Variants in ARHGAP31 observed in about 807,000 individuals in gnomAD.
ARHGAP31 encodes the protein rho GTPase-activating protein 31.
ARHGAP31 carries 34 observed loss-of-function variants against 113.9 expected under a neutral mutation model. That is an observed-to-expected ratio of 0.30 (90% CI 0.23 to 0.40). The LOEUF (loss-of-function observed/expected upper bound fraction) is 0.40, where lower values mean the gene tolerates loss of function less well. ARHGAP31 is among the 10% of genes least tolerant of loss of function. The probability of loss-of-function intolerance (pLI) is 1.00; values close to 1 mark genes in which losing one functional copy is unlikely to be tolerated. For missense variants in ARHGAP31, 1,548 were observed against 1,767.1 expected (o/e 0.88, Z 2.22); for synonymous variants, 650 against 684.8 (o/e 0.95, Z 0.79).
intron 1 of ARHGAP31, among the ~76,000 whole-genome samples, chr3:119,300,842 A>AGAAAGAAAG (rs1553757923): frequency 1.4e-5 from 2 of 139,040 alleles, no homozygotes; most frequent in Non-Finnish European, 3.0e-5. Flanking sequence ...AAAAAAAAAA[A>AGAAAGAAAG]AAAGAAAGAA....
At chr3:119,373,872 C>T (rs1425415639) in intron 3 of ARHGAP31, among the ~76,000 whole-genome samples, 1 of 152,182 alleles carries the variant, frequency 6.6e-6, no homozygotes, top group African/African-American at 2.4e-5. Context: ...ATTCTTTAAT[C>T]CAGTAACTCT....
At chr3:119,349,050 C>G (rs1415346394) in intron 1 of ARHGAP31, among the ~76,000 whole-genome samples, 1 of 152,172 alleles carries the variant, frequency 6.6e-6, no homozygotes, top group Non-Finnish European at 1.5e-5. Flanking sequence ...ATCATCACCC[C>G]TTGCTGTTTT....
rs1007661799 is a variant in ARHGAP31, at chr3:119,415,127, G to C, written c.3198G>C (p.Glu1066Asp). 1 of 1,614,206 alleles carries C rather than the reference G, an allele frequency of 6.2e-7. No homozygotes were observed. The highest frequency in any genetic ancestry group is 1.7e-5 in the Admixed American group (1 of 60,026). ...GGCAAGGTGGTGTTCCTGGGCCAGA[G>C]AGCAGCAAGGAGAGTTCACCCAGCG... ...QIRQGGVPGP[E>D]SSKESSPSVQ... The change falls in exon 12 of 12, where the codon GAG becomes GAC. Residue 1066 changes from glutamate to aspartate, a missense_variant. By Grantham distance (45) the Glu-to-Asp change is conservative. Coordinates refer to ENST00000264245, the MANE Select transcript of ARHGAP31 (RefSeq NM_020754.4).
At chr3:119,359,869 C>T (rs1202308504) in intron 1 of ARHGAP31, among the ~76,000 whole-genome samples, 1 of 152,084 alleles carries the variant, frequency 6.6e-6, no homozygotes, top group African/African-American at 2.4e-5. Context: ...TTAAAAATCC[C>T]CCCTCTCTCC....
intron 1 of ARHGAP31, among the ~76,000 whole-genome samples, chr3:119,302,198 G>A (rs1304955622): frequency 6.6e-6 from 1 of 152,172 alleles, no homozygotes; most frequent in East Asian, 1.9e-4. Context: ...CAAGGGGCTG[G>A]CCTCAAGTAC....
intron 3 of ARHGAP31, 60 bp from the exon 4 acceptor site, chr3:119,380,844 T>C: frequency 2.8e-6 from 4 of 1,423,106 alleles, no homozygotes; most frequent in Non-Finnish European, 4.0e-6. Flanking sequence ...TCCCAGCACA[T>C]GCAGATGGCT....
At chr3:119,384,714 T>G (rs1454919262) in intron 6 of ARHGAP31, among the ~76,000 whole-genome samples, 3 of 152,132 alleles carry the variant, frequency 2.0e-5, no homozygotes, top group Non-Finnish European at 4.4e-5. Context: ...AGGTCGCACC[T>G]CACAACAGTG....
chr3:119,329,492 A>G (rs1044313861), intron 1 of ARHGAP31, among the ~76,000 whole-genome samples: 1 of 152,228 alleles, frequency 6.6e-6, no homozygotes, highest in Non-Finnish European at 1.5e-5. Flanking sequence ...CAATGGATCT[A>G]TACCTGGCTG....
Position 119,391,058 on chromosome 3 carries a change from C to G in ARHGAP31, c.881+75C>G. 2.6e-6 allele frequency: 4 copies of G among 1,524,350 alleles called. No homozygotes were observed. The South Asian group carries it at 3.4e-5, about 13-fold the overall frequency. 94.4% of individuals were successfully genotyped at this position (1,524,350 alleles called of 1,614,324 possible). A position where few individuals can be genotyped will look rare whatever the true frequency, so the allele number is the denominator to read the frequency against. ...AAAGAGGAGGAGAGGTATACAGTCT[C>G]AGGACCAAGATGGCAGTGTGGGTTG... On this transcript the variant is annotated intron_variant, in intron 7 of 11. Coordinates refer to ENST00000264245, the MANE Select transcript of ARHGAP31 (RefSeq NM_020754.4).
chr3:119,335,827 G>A (rs2079940761), intron 1 of ARHGAP31, among the ~76,000 whole-genome samples: 1 of 152,184 alleles, frequency 6.6e-6, no homozygotes, highest in Non-Finnish European at 1.5e-5. Flanking sequence ...CTGCAAATGG[G>A]CATCAACAGC....
At chr3:119,373,019 C>T (rs938465013) in intron 3 of ARHGAP31, among the ~76,000 whole-genome samples, 1 of 152,158 alleles carries the variant, frequency 6.6e-6, no homozygotes, top group Admixed American at 6.5e-5. Context: ...ATGAGGAAAT[C>T]AAGTTTCATC....
intron 1 of ARHGAP31, among the ~76,000 whole-genome samples, chr3:119,359,431 G>A (rs1193328323): frequency 6.6e-6 from 1 of 151,492 alleles, no homozygotes. Context: ...TAGAAAATTA[G>A]AAAGTGGTTC....
intron 4 of ARHGAP31, among the ~76,000 whole-genome samples, chr3:119,381,843 G>A (rs1407047152): frequency 3.3e-5 from 5 of 152,278 alleles, no homozygotes; most frequent in Middle Eastern, 3.4e-3. Context: ...AAAATTAGCC[G>A]GGCGTGGTGG....
rs568370935 is a variant in ARHGAP31 at position 119,382,956 on chromosome 3, A to C, written c.540-128A>C. On this transcript the variant is annotated intron_variant, in intron 5 of 11. Coordinates refer to ENST00000264245, the MANE Select transcript of ARHGAP31 (RefSeq NM_020754.4). ...AGAGTTCCTTTAATTGGCCCTAAAT[A>C]ATTAAAATATTCTATGAACTGTATC... 2.4e-6 allele frequency: 3 copies of C among 1,263,940 alleles called. No homozygotes were observed. In the Admixed American group the frequency reaches 5.4e-5, roughly 23 times the overall value. 78.3% of individuals were successfully genotyped at this position (1,263,940 alleles called of 1,614,324 possible).
At chr3:119,296,088 A>G (rs1258187464) in intron 1 of ARHGAP31, among the ~76,000 whole-genome samples, 1 of 152,264 alleles carries the variant, frequency 6.6e-6, no homozygotes, top group African/African-American at 2.4e-5. Context: ...CCTCCAGGAA[A>G]ATAATCTCAA....
chr3:119,311,550 A>T (rs1310920884), intron 1 of ARHGAP31, among the ~76,000 whole-genome samples: 1 of 152,172 alleles, frequency 6.6e-6, no homozygotes, highest in Admixed American at 6.5e-5. Context: ...AAGGATGTGG[A>T]CCTCTTTGGG....
At chr3:119,392,608 C>A (rs546940655) in intron 7 of ARHGAP31, among the ~76,000 whole-genome samples, 1 of 152,344 alleles carries the variant, frequency 6.6e-6, no homozygotes, top group Admixed American at 6.5e-5. Flanking sequence ...CAGGGCAAGG[C>A]CTCCATGGTG....
intron 1 of ARHGAP31, among the ~76,000 whole-genome samples, chr3:119,306,974 T>G (rs1426257196): frequency 1.3e-5 from 2 of 152,138 alleles, no homozygotes; most frequent in Admixed American, 1.3e-4. Context: ...GTGTCTTGAG[T>G]CATTGGCTTT....
intron 7 of ARHGAP31, 143 bp downstream of exon 7, chr3:119,391,126 A>G: frequency 1.1e-6 from 1 of 912,500 alleles, no homozygotes; most frequent in Non-Finnish European, 1.7e-6. Context: ...ATTCCAGAAG[A>G]GAAGGGAGCT....
Sources: gnomAD v4.1 joint callset for allele counts (sites outside exome capture counted in the v4.1 genomes callset) on GRCh38, gnomAD v4.1.1 for gene constraint, MANE v1.5 for transcripts, NCBI Gene and HGNC (gene_info 2026-07-23, HGNC 2026-07-21) for gene names.